Variants in GJA3 observed in about 807,000 individuals in gnomAD.
GJA3 encodes gap junction protein alpha 3, also known as gap junction alpha-3 protein.
For missense variants in GJA3, 571 were observed against 620.3 expected, an observed-to-expected ratio of 0.92 and a Z score of 0.84; for synonymous variants, 297 against 292.6, an observed-to-expected ratio of 1.02 and a Z score of -0.15.
At chr13:20,145,147 A>G (rs1251985247) in intron 1 of GJA3, among the ~76,000 whole-genome samples, 1 of 152,106 alleles carries the variant, frequency 6.6e-6, no homozygotes, top group Non-Finnish European at 1.5e-5. Context: ...ATGCCACTGT[A>G]CTCCAGCCTG....
intron 1 of GJA3, among the ~76,000 whole-genome samples, chr13:20,160,257 T>A (rs956189142): frequency 6.6e-6 from 1 of 152,136 alleles, no homozygotes; most frequent in Non-Finnish European, 1.5e-5. Context: ...GAACACATCA[T>A]AACAAACATA....
chr13:20,155,606 T>G (rs1007290664), intron 1 of GJA3, among the ~76,000 whole-genome samples: 2 of 137,172 alleles, frequency 1.5e-5, no homozygotes, highest in Non-Finnish European at 1.5e-5. Flanking sequence ...ATTTGGGGAT[T>G]TAAAATATTA....
chr13:20,146,007 A>T (rs2031289), intron 1 of GJA3, among the ~76,000 whole-genome samples: 104,852 of 152,030 alleles, frequency 0.69, 36,451 homozygotes, highest in East Asian at 0.78. Context: ...AGGACGGGGC[A>T]GGCATGGGCA....
chr13:20,145,535 T>C (rs1231900683), intron 1 of GJA3, among the ~76,000 whole-genome samples: 2 of 152,230 alleles, frequency 1.3e-5, no homozygotes, highest in Admixed American at 1.3e-4. Flanking sequence ...AGTGTCCCTC[T>C]GGGCTGGGAC....
chr13:20,140,086 A>C lies in GJA3; in HGVS notation c.*1895T>G, dbSNP rs1316672958. ...GGCATACACTGCATGTAATGAGTGA[A>C]CTTCGGAGAGAAGTTATGCATCTAG... On this transcript the variant is annotated 3_prime_UTR_variant, in exon 2 of 2. Coordinates refer to ENST00000241125, the MANE Select transcript of GJA3 (RefSeq NM_021954.4). The C allele has an allele frequency of 1.3e-5, 2 of 152,210 alleles. No individual in the cohort carries two copies. Among genetic ancestry groups the C allele is most frequent in the African/African-American group, 4.8e-5 (2 of 41,442 alleles). 9.4% of individuals were successfully genotyped at this position (152,210 alleles called of 1,614,324 possible). A position where few individuals can be genotyped will look rare whatever the true frequency, so the allele number is the denominator to read the frequency against.
chr13:20,158,448 T>C (rs2141146800), intron 1 of GJA3, among the ~76,000 whole-genome samples: 1 of 152,154 alleles, frequency 6.6e-6, no homozygotes, highest in Non-Finnish European at 1.5e-5. Context: ...TCCATGGAGA[T>C]AATCAGGAGG....
At chr13:20,149,422 C>T (rs1958863450) in intron 1 of GJA3, among the ~76,000 whole-genome samples, 1 of 151,944 alleles carries the variant, frequency 6.6e-6, no homozygotes, top group Non-Finnish European at 1.5e-5. Context: ...GAAGTTGAGG[C>T]TGTAGTGAGC....
chr13:20,150,259 C>T (rs770784352), intron 1 of GJA3, among the ~76,000 whole-genome samples: 4 of 152,148 alleles, frequency 2.6e-5, no homozygotes, highest in Admixed American at 6.5e-5. Context: ...AGGCAGCTGG[C>T]GGCATGGGGC....
Position 20,142,724 on chromosome 13 carries a change from T to C in GJA3, c.565A>G (p.Thr189Ala), listed in dbSNP as rs764077955. 48 of 1,613,662 alleles carry C rather than the reference T, an allele frequency of 3.0e-5. No homozygotes were observed. Among genetic ancestry groups the C allele is most frequent in the Non-Finnish European group, 4.0e-5 (47 of 1,179,938 alleles). Residue 189 changes from threonine to alanine, a missense_variant, in exon 2 of 2, where the codon ACG becomes GCG. Coordinates refer to ENST00000241125, the MANE Select transcript of GJA3 (RefSeq NM_021954.4). ...YRCDRWPCPN[T>A]VDCFISRPTE... ...GGCCTGGAGATGAAGCAGTCCACCG[T>C]GTTGGGGCAGGGCCAGCGGTCGCAG...
rs1403675309 is a variant in GJA3 at position 20,142,776 on chromosome 13, G to A, written c.513C>T (p.Tyr171=). The A allele has an allele frequency of 1.2e-6, 2 of 1,613,578 alleles. No homozygotes were observed. Among genetic ancestry groups the A allele is most frequent in the Admixed American group, 1.7e-5 (1 of 60,008 alleles). ...GGTAGAGCGGCTTCAGCTCGAAGCCGTACAGAAAGTACTGGCCGGCGATGA... is the reference window on the plus strand; with the variant it reads ...GGTAGAGCGGCTTCAGCTCGAAGCCATACAGAAAGTACTGGCCGGCGATGA... ...VGFIAGQYFL[Y]GFELKPLYRC... is the part of the protein sequence containing the mutation. Residue 171 remains tyrosine, a synonymous_variant, in exon 2 of 2, where the codon TAC becomes TAT. Transcript: ENST00000241125.
At chr13:20,148,184 G>A (rs908028531) in intron 1 of GJA3, among the ~76,000 whole-genome samples, 4 of 151,626 alleles carry the variant, frequency 2.6e-5, no homozygotes, top group Non-Finnish European at 5.9e-5. Context: ...ACCTCCCTTC[G>A]CCGTCAGACT....
chr13:20,150,204 G>T (rs1350663276), intron 1 of GJA3, among the ~76,000 whole-genome samples: 1 of 152,224 alleles, frequency 6.6e-6, no homozygotes, highest in African/African-American at 2.4e-5. Context: ...AGGTGAGGGG[G>T]TGGCTGTGAA....
chr13:20,144,392 C>G (rs974097602), intron 1 of GJA3, among the ~76,000 whole-genome samples: 1 of 152,180 alleles, frequency 6.6e-6, no homozygotes, highest in Non-Finnish European at 1.5e-5. Context: ...AGAAACAGCA[C>G]GCCCAGACTC....
chr13:20,156,064 T>A (rs945569650), intron 1 of GJA3, among the ~76,000 whole-genome samples: 2 of 152,220 alleles, frequency 1.3e-5, no homozygotes, highest in Admixed American at 6.5e-5. Flanking sequence ...TAAATGTACT[T>A]ATGAAATAAG....
chr13:20,158,355 C>A (rs569119828), intron 1 of GJA3, among the ~76,000 whole-genome samples: 302 of 152,002 alleles, frequency 2.0e-3, no homozygotes, highest in Non-Finnish European at 2.7e-3. Context: ...GCTGTGTAAC[C>A]AGAAATTGCT....
chr13:20,142,531 G>C lies in GJA3; in HGVS notation c.758C>G (p.Pro253Arg), dbSNP rs753781759. 6.4e-7 allele frequency: 1 copy of C among 1,557,120 alleles called. No homozygotes were observed. Among genetic ancestry groups the C allele is most frequent in the Admixed American group, 1.9e-5 (1 of 51,670 alleles). Residue 253 changes from proline to arginine, a missense_variant, in exon 2 of 2, where the codon CCG becomes CGG. Coordinates refer to ENST00000241125, the MANE Select transcript of GJA3 (RefSeq NM_021954.4). Reference protein sequence around the residue: ...SEAPLGTADPPPLPPSSRPPA... With the variant: ...SEAPLGTADPRPLPPSSRPPA... ...CGGCCGGGAGCTGGGGGGCAGGGGC[G>C]GGGGATCGGCTGTCCCCAGCGGGGC...
chr13:20,142,735 G>C lies in GJA3; in HGVS notation c.554C>G (p.Pro185Arg). Residue 185 changes from proline to arginine, a missense_variant, in exon 2 of 2, where the codon CCC becomes CGC. By Grantham distance (103) the Pro-to-Arg change is moderately radical. Coordinates refer to ENST00000241125, the MANE Select transcript of GJA3 (RefSeq NM_021954.4). The stretch of plus-strand genomic sequence containing the variant: ...GAAGCAGTCCACCGTGTTGGGGCAG[G>C]GCCAGCGGTCGCAGCGGTAGAGCGG... The part of the protein sequence containing the change: ...LKPLYRCDRW[P>R]CPNTVDCFIS... 6.2e-7 allele frequency: 1 copy of C among 1,613,878 alleles called. No individual in the cohort carries two copies. Among genetic ancestry groups the C allele is most frequent in the Non-Finnish European group, 8.5e-7 (1 of 1,179,972 alleles).
At position 20,142,653 on chromosome 13, in the gene GJA3, G is replaced by C. The variant is rs1958817929; in HGVS notation, c.636C>G (p.Cys212Trp). ...IFIIFMLAVA[C>W]ASLLLNMLEI... ...CCAGCATGTTGAGCAGCAGGGACGCGCAGGCCACCGCCAGCATGAAGATGA... is the reference window on the plus strand; with the variant it reads ...CCAGCATGTTGAGCAGCAGGGACGCCCAGGCCACCGCCAGCATGAAGATGA... Residue 212 changes from cysteine to tryptophan, a missense_variant, in exon 2 of 2, where the codon TGC becomes TGG. By Grantham distance (215) the Cys-to-Trp change is radical (BLOSUM62 -2). Coordinates refer to ENST00000241125, the MANE Select transcript of GJA3 (RefSeq NM_021954.4). 2 of 1,613,736 alleles carry C rather than the reference G, an allele frequency of 1.2e-6. No homozygotes were observed. Among genetic ancestry groups the C allele is most frequent in the Non-Finnish European group, 1.7e-6 (2 of 1,179,970 alleles).
At chr13:20,143,572 C>T (rs185146839) in intron 1 of GJA3, among the ~76,000 whole-genome samples, 9 of 152,382 alleles carry the variant, frequency 5.9e-5, no homozygotes, top group Admixed American at 1.3e-4. Flanking sequence ...GGCCTCCAGA[C>T]TGCTCAAGCC....
Sources: allele counts gnomAD v4.1 joint callset (sites outside exome capture counted in the v4.1 genomes callset), GRCh38; gene constraint gnomAD v4.1.1; transcripts MANE v1.5; gene names NCBI Gene and HGNC (gene_info 2026-07-23, HGNC 2026-07-21).